ZNF461: variants seen among roughly 807,000 people sequenced by gnomAD.
The protein encoded by ZNF461 is zinc finger protein 461, also known as gonadotropin-inducible ovarian transcription factor-1.
ZNF461 carries 16 observed loss-of-function variants against 18.3 expected under a neutral mutation model. That is an observed-to-expected ratio of 0.88 (90% confidence interval 0.59 to 1.33). The LOEUF (loss-of-function observed/expected upper bound fraction) is 1.33. Among genes scored for constraint, ZNF461 ranks in the 40% most tolerant of loss-of-function variants. The pLI, the probability that ZNF461 is intolerant of heterozygous loss-of-function variation, is 0.00. For missense variants in ZNF461, 595 were observed against 669.9 expected, an observed-to-expected ratio of 0.89 and a Z score of 1.23; for synonymous variants, 179 against 216.9, an observed-to-expected ratio of 0.83 and a Z score of 1.54.
chr19:36,643,299 C>T (rs1203359309), intron 5 of ZNF461: 2 of 152,196 alleles, frequency 1.3e-5, no homozygotes, highest in Non-Finnish European at 2.9e-5. Flanking sequence ...GATATCCTGC[C>T]TTCTTACACT....
intron 3 of ZNF461, 24 bp from the exon 4 acceptor site, chr19:36,656,567 G>A (rs776661189): frequency 3.8e-6 from 6 of 1,568,244 alleles, no homozygotes; most frequent in African/African-American, 1.4e-5. Context: ...AAGAAATTGA[G>A]ATGAGATGGA....
At position 36,645,538 on chromosome 19, in the gene ZNF461, A is replaced by G. The variant is rs139310808; in HGVS notation, c.233-1676T>C. 1.1e-4 allele frequency among the ~76,000 whole-genome samples: 16 copies of G among 152,316 alleles called. 1 individual carries two copies. The East Asian group carries it at 2.7e-3, about 26-fold the overall frequency. ...GAGGGAAAATTGACAATTAAAATTT[A>G]TATATTTAAAGGATACAACCTGATG... On this transcript the variant is annotated intron_variant, in intron 4 of 5. Transcript: ENST00000588268.
At chr19:36,665,353 T>C (rs1018122535) in intron 1 of ZNF461, among the ~76,000 whole-genome samples, 1 of 152,184 alleles carries the variant, frequency 6.6e-6, no homozygotes, top group Non-Finnish European at 1.5e-5. Context: ...CCTGGAAACA[T>C]CCTGAAAAAT....
In ZNF461 at chr19:36,639,202, A is replaced by C; in HGVS notation, c.1143T>G (p.Gly381=). The part of the protein sequence containing the change: ...HLTIHQRIHT[G]EKPYECRECG... Reference sequence around the variant, plus strand: ...ATTCCCGACATTCATAGGGTTTCTCACCAGTATGAATTCTCTGATGTATAG... The same window carrying C: ...ATTCCCGACATTCATAGGGTTTCTCCCCAGTATGAATTCTCTGATGTATAG... Residue 381 remains glycine (G), a synonymous_variant, in exon 6 of 6, where the codon GGT becomes GGG. Transcript: ENST00000588268. The C allele has an allele frequency of 1.9e-6, 3 of 1,614,126 alleles. No homozygotes were observed. Among genetic ancestry groups the C allele is most frequent in the Non-Finnish European group, 2.5e-6 (3 of 1,180,030 alleles).
At chr19:36,643,016 G>T (rs1048845968) in intron 5 of ZNF461, among the ~76,000 whole-genome samples, 4 of 152,028 alleles carry the variant, frequency 2.6e-5, no homozygotes, top group Non-Finnish European at 4.4e-5. Flanking sequence ...CCATCCACCC[G>T]CCTTGGCTTC....
At chr19:36,658,923 G>A (rs1376784784) in intron 2 of ZNF461, among the ~76,000 whole-genome samples, 1 of 152,122 alleles carries the variant, frequency 6.6e-6, no homozygotes, top group Admixed American at 6.6e-5. Context: ...CTTCTTCAGT[G>A]TAACCTTGAC....
chr19:36,654,127 C>T (rs2037676106), intron 4 of ZNF461, among the ~76,000 whole-genome samples: 1 of 151,922 alleles, frequency 6.6e-6, no homozygotes, highest in African/African-American at 2.4e-5. Flanking sequence ...TCTTGTGAAT[C>T]CATAATTATT....
chr19:36,661,263 G>A (rs746752964), intron 2 of ZNF461, among the ~76,000 whole-genome samples: 20 of 148,354 alleles, frequency 1.3e-4, no homozygotes, highest in Non-Finnish European at 2.5e-4. Flanking sequence ...GGGAAACAGA[G>A]CATGACCCAG....
chr19:36,665,001 C>T (rs1249514582), intron 1 of ZNF461, among the ~76,000 whole-genome samples: 1 of 152,128 alleles, frequency 6.6e-6, no homozygotes, highest in East Asian at 1.9e-4. Flanking sequence ...TCAAGAAAAG[C>T]AAGGATCATG....
intron 2 of ZNF461, among the ~76,000 whole-genome samples, 156 bp downstream of exon 2, chr19:36,664,542 C>T (rs557038538): frequency 4.6e-5 from 7 of 151,252 alleles, no homozygotes; most frequent in Non-Finnish European, 7.4e-5. Context: ...GAGCCAAGTT[C>T]GCACCACTGC....
At chr19:36,655,200 T>C (rs2037695322) in intron 4 of ZNF461, among the ~76,000 whole-genome samples, 1 of 152,154 alleles carries the variant, frequency 6.6e-6, no homozygotes, top group Non-Finnish European at 1.5e-5. Flanking sequence ...TTTGCTATGT[T>C]GCCCAGACTG....
chr19:36,648,214 G>GC (rs2037562498), intron 4 of ZNF461, among the ~76,000 whole-genome samples: 2 of 150,448 alleles, frequency 1.3e-5, no homozygotes, highest in African/African-American at 2.4e-5. Context: ...ACCTCCCCAC[G>GC]CCCCCCACTC....
intron 5 of ZNF461, among the ~76,000 whole-genome samples, chr19:36,641,957 T>C (rs944000138): frequency 5.3e-5 from 8 of 152,126 alleles, no homozygotes; most frequent in African/African-American, 1.9e-4. Context: ...TCATGCTCTG[T>C]CACCCAGGCG....
chr19:36,651,459 T>C (rs1011195000), intron 4 of ZNF461, among the ~76,000 whole-genome samples: 1 of 151,950 alleles, frequency 6.6e-6, no homozygotes, highest in African/African-American at 2.4e-5. Flanking sequence ...ATAATTTGTT[T>C]ATAAGTAGGA....
chr19:36,656,535 C>G lies in ZNF461; in HGVS notation c.145G>C (p.Val49Leu). The G allele has an allele frequency of 6.2e-7, 1 of 1,613,678 alleles. No individual in the cohort carries two copies. The highest frequency in any genetic ancestry group is 8.5e-7 in the Non-Finnish European group (1 of 1,179,744). ...GAGGAGATTACGGCTGGCTTAGAAACAGAAAGTCCTAGTTATAAGAAAAGA... is the reference window on the plus strand; with the variant it reads ...GAGGAGATTACGGCTGGCTTAGAAAGAGAAAGTCCTAGTTATAAGAAAAGA... ...YSNLVSLGLS[V>L]SKPAVISSLE... The change falls in exon 4 of 6, where the codon GTT becomes CTT. Residue 49 changes from valine to leucine, a missense_variant. Coordinates refer to ENST00000588268, the MANE Select transcript of ZNF461 (RefSeq NM_153257.5).
At chr19:36,653,826 A>C (rs1361615862) in intron 4 of ZNF461, among the ~76,000 whole-genome samples, 1 of 152,208 alleles carries the variant, frequency 6.6e-6, no homozygotes, top group African/African-American at 2.4e-5. Flanking sequence ...GGGTTAGGAA[A>C]AAGAGAAATG....
At chr19:36,660,418 G>T (rs2037797686) in intron 2 of ZNF461, among the ~76,000 whole-genome samples, 1 of 151,914 alleles carries the variant, frequency 6.6e-6, no homozygotes, top group Non-Finnish European at 1.5e-5. Flanking sequence ...CCAAAGTGCT[G>T]GGATTACAGG....
chr19:36,641,232 A>G (rs2037416995), intron 5 of ZNF461, among the ~76,000 whole-genome samples: 1 of 152,094 alleles, frequency 6.6e-6, no homozygotes, highest in African/African-American at 2.4e-5. Context: ...AATCTTTTTA[A>G]TATTTGGCCA....
chr19:36,655,830 C>A (rs1368968899), intron 4 of ZNF461, among the ~76,000 whole-genome samples: 1 of 152,074 alleles, frequency 6.6e-6, no homozygotes, highest in Non-Finnish European at 1.5e-5. Context: ...TTGATCCATT[C>A]TGAGTTAATT....
Sources: gnomAD v4.1 joint callset for allele counts (sites outside exome capture counted in the v4.1 genomes callset) on GRCh38, gnomAD v4.1.1 for gene constraint, MANE v1.5 for transcripts, NCBI Gene and HGNC (gene_info 2026-07-23, HGNC 2026-07-21) for gene names.